DOP1A: variants seen among roughly 807,000 people sequenced by gnomAD.
DOP1A encodes protein DOP1A.
Under a neutral mutation model 267.6 loss-of-function variants are expected in DOP1A, and 90 were observed. The ratio of observed to expected loss-of-function variants is 0.34; its 90% CI spans 0.28 to 0.40. The LOEUF (loss-of-function observed/expected upper bound fraction) is 0.40. DOP1A is among the 10% of genes least tolerant of loss of function. The probability of loss-of-function intolerance (pLI) is 1.00; values close to 1 mark genes in which losing one functional copy is unlikely to be tolerated. For synonymous variants in DOP1A, 932 were observed against 999.1 expected, an observed-to-expected ratio of 0.93 and a Z score of 1.27; for missense variants, 2,437 against 2,900.4, an observed-to-expected ratio of 0.84 and a Z score of 3.67.
chr6:83,169,841 CCT>C (rs1562406855), downstream of DOP1A: 2 of 456,370 alleles, frequency 4.4e-6, no homozygotes, highest in Non-Finnish European at 8.8e-6. Flanking sequence ...AGTCTTGACC[CCT>C]GTCAGGGAAA....
At chr6:83,114,049 G>A (rs1774999944) in intron 7 of DOP1A, among the ~76,000 whole-genome samples, 1 of 152,088 alleles carries the variant, frequency 6.6e-6, no homozygotes, top group African/African-American at 2.4e-5. Context: ...AAAGTAATAA[G>A]ATATAGAGAA....
intron 1 of DOP1A, among the ~76,000 whole-genome samples, chr6:83,083,628 G>C (rs893914151): frequency 9.9e-5 from 15 of 152,164 alleles, no homozygotes; most frequent in Admixed American, 5.2e-4. Context: ...GCTTAGTATA[G>C]TGCCTGGCAC....
intron 7 of DOP1A, among the ~76,000 whole-genome samples, chr6:83,114,165 G>A (rs1046590220): frequency 6.6e-6 from 1 of 151,546 alleles, no homozygotes; most frequent in East Asian, 1.9e-4. Context: ...ATTATGACTG[G>A]CCAATTTTTT....
At chr6:83,083,434 A>AG (rs912634515) in intron 1 of DOP1A, among the ~76,000 whole-genome samples, 4 of 152,000 alleles carry the variant, frequency 2.6e-5, no homozygotes, top group African/African-American at 4.8e-5. Context: ...AAAAAAAAAA[A>AG]AAGTTCAGAA....
chr6:83,120,948 C>T (rs1776273431), intron 10 of DOP1A, among the ~76,000 whole-genome samples, 157 bp downstream of exon 10: 1 of 151,844 alleles, frequency 6.6e-6, no homozygotes, highest in African/African-American at 2.4e-5. Context: ...AGTTAAGATA[C>T]AGGTATTCAT....
At position 83,140,183 on chromosome 6, in the gene DOP1A, A is replaced by G. The variant is rs764508641; in HGVS notation, c.5233-38A>G. On this transcript the variant is annotated intron_variant, in intron 22 of 38. Transcript: ENST00000349129. The stretch of plus-strand genomic sequence containing the variant: ...TAATAAATTTCCATTTGTAAATCTC[A>G]GTAAGTAATATGTTTCTTTTCCCCC... 1.6e-5 allele frequency: 25 copies of G among 1,605,876 alleles called. No homozygotes were observed. The East Asian group carries it at 5.1e-4, about 33-fold the overall frequency.
At chr6:83,100,636 C>A in intron 3 of DOP1A, 69 bp from the exon 4 acceptor site, 1 of 1,115,648 alleles carries the variant, frequency 9.0e-7, no homozygotes, top group South Asian at 2.8e-5. Flanking sequence ...TAATACTATG[C>A]TAGAAAATGG....
chr6:83,075,124 A>G (rs1357250535), intron 1 of DOP1A, among the ~76,000 whole-genome samples: 1 of 152,212 alleles, frequency 6.6e-6, no homozygotes, highest in Non-Finnish European at 1.5e-5. Flanking sequence ...TATAAACACT[A>G]TTCTGTGCCT....
Position 83,108,915 on chromosome 6 carries a change from G to T in DOP1A, c.326G>T (p.Gly109Val). Reference protein sequence around the residue: ...LAKDLFLYSSGLFPLLANAAM... With the variant: ...LAKDLFLYSSVLFPLLANAAM... ...TGTCTTTATTTTTTTAATAGTTCTG[G>T]ATTATTTCCTCTTCTTGCAAATGCT... is the stretch of plus-strand genomic sequence containing the variant. Residue 109 changes from glycine to valine, a missense_variant, in exon 5 of 39, where the codon GGA becomes GTA. Around this residue, in one of 9 missense-constraint regions of DOP1A, gnomAD observed 251 missense variants for 359.1 expected, o/e 0.70. Transcript: ENST00000349129. The T allele has an allele frequency of 6.2e-7, 1 of 1,608,906 alleles. No individual in the cohort carries two copies. The highest frequency in any genetic ancestry group is 8.5e-7 in the Non-Finnish European group (1 of 1,177,376).
intron 4 of DOP1A, among the ~76,000 whole-genome samples, chr6:83,104,475 G>A (rs1309177929): frequency 6.6e-6 from 1 of 151,958 alleles, no homozygotes; most frequent in East Asian, 1.9e-4. Context: ...GTAGAGAATG[G>A]CTATGATTTT....
intron 1 of DOP1A, among the ~76,000 whole-genome samples, chr6:83,075,798 A>G (rs1766989094): frequency 6.6e-6 from 1 of 152,228 alleles, no homozygotes; most frequent in South Asian, 2.1e-4. Flanking sequence ...CCTATGTGAA[A>G]AAATGAAGTT....
At chr6:83,161,065 AC>A (rs1784129022) in intron 37 of DOP1A, 1 of 152,144 alleles carries the variant, frequency 6.6e-6, no homozygotes, top group Non-Finnish European at 1.5e-5. Context: ...AGAAAAGAAT[AC>A]TAAACAGAAT....
intron 8 of DOP1A, among the ~76,000 whole-genome samples, chr6:83,119,469 T>C (rs1027088193): frequency 1.3e-5 from 2 of 152,084 alleles, no homozygotes; most frequent in East Asian, 3.9e-4. Flanking sequence ...GGGGACATAA[T>C]ATAACTTATT....
intron 1 of DOP1A, among the ~76,000 whole-genome samples, chr6:83,087,399 T>G (rs1769471383): frequency 6.6e-6 from 1 of 152,134 alleles, no homozygotes; most frequent in Admixed American, 6.5e-5. Flanking sequence ...AATGTTTAGT[T>G]GCTCATTTTC....
Position 83,101,775 on chromosome 6 carries a change from CACA to C in DOP1A, c.320+893_320+895del, listed in dbSNP as rs1381789389. Among the ~76,000 whole-genome samples the C allele has an allele frequency of 1.2e-4, 18 of 152,222 alleles. No individual in the cohort carries two copies. In the South Asian group the frequency reaches 2.5e-3, roughly 21 times the overall value. ...AATTTTATTGTGTACATTTAAGATA[CACA>C]ACATGATGTGAGATACCAACAGATA... On this transcript the variant is annotated intron_variant, in intron 4 of 38. Coordinates refer to ENST00000349129, the MANE Select transcript of DOP1A (RefSeq NM_015018.4).
chr6:83,073,841 C>T (rs910431847), intron 1 of DOP1A, among the ~76,000 whole-genome samples: 1 of 152,200 alleles, frequency 6.6e-6, no homozygotes, highest in Non-Finnish European at 1.5e-5. Context: ...GGCCTCTTCA[C>T]AGGTCTGCTT....
In DOP1A at chr6:83,087,755, G is replaced by GT. The variant is rs1301817110; in HGVS notation, c.-146-8975dup. Among the ~76,000 whole-genome samples the GT allele has an allele frequency of 2.6e-5, 4 of 152,242 alleles. No homozygotes were observed. The East Asian group carries it at 7.7e-4, about 29-fold the overall frequency. On this transcript the variant is annotated intron_variant, in intron 1 of 38. Coordinates refer to ENST00000349129, the MANE Select transcript of DOP1A (RefSeq NM_015018.4). ...GCACTTGAATAGTTCCTGGTATTTA[G>GT]TAAGTACACTGTAAGGTTAGAAGAG...
At chr6:83,075,219 A>G (rs75799407) in intron 1 of DOP1A, among the ~76,000 whole-genome samples, 139 of 152,248 alleles carry the variant, frequency 9.1e-4, no homozygotes, top group Non-Finnish European at 1.6e-3. Context: ...AGAATATTCT[A>G]TTGTCATTCA....
At position 83,119,873 on chromosome 6, in the gene DOP1A, A is replaced by T. The variant is rs1554233866; in HGVS notation, c.990+16A>T. 1.3e-6 allele frequency: 2 copies of T among 1,595,172 alleles called. No homozygotes were observed. The highest frequency in any genetic ancestry group is 1.7e-6 in the Non-Finnish European group (2 of 1,163,942). On this transcript the variant is annotated intron_variant, in intron 9 of 38. Transcript: ENST00000349129. ...ATTAGTCCAGGTAATGAATACTTTT[A>T]TTATTCTTTGGTTACTTACTGACCA...
Sources: gnomAD v4.1 joint callset for allele counts (sites outside exome capture counted in the v4.1 genomes callset) on GRCh38, gnomAD v4.1.1 for gene constraint, gnomAD v4.1.1 regional missense constraint, MANE v1.5 for transcripts, NCBI Gene and HGNC (gene_info 2026-07-23, HGNC 2026-07-21) for gene names.